Variants in PRH1 observed in about 807,000 individuals in gnomAD.
PRH1 encodes the protein salivary acidic proline-rich phosphoprotein 1/2.
In PRH1, 7 loss-of-function variants were observed where a neutral mutation model predicts 7.9. The ratio of observed to expected loss-of-function variants is 0.89; its 90% CI spans 0.50 to 1.67. The LOEUF (loss-of-function observed/expected upper bound fraction) is 1.67. Among genes scored for constraint, PRH1 ranks in the 40% most tolerant of loss-of-function variants. The pLI is 0.00. For synonymous variants in PRH1, 45 were observed against 80.8 expected (o/e 0.56, Z 2.38); for missense variants, 109 against 223.6 (o/e 0.49, Z 3.27).
chr12:11,140,944 A>G (rs1354594246), intron 1 of PRH1, among the ~76,000 whole-genome samples: 1 of 152,114 alleles, frequency 6.6e-6, no homozygotes, highest in Non-Finnish European at 1.5e-5. Context: ...AAAAGCATTC[A>G]AGGTTTTCTT....
intron 2 of PRH1, chr12:10,938,234 C>G (rs1950322057): frequency 6.8e-7 from 1 of 1,469,202 alleles, no homozygotes; most frequent in Non-Finnish European, 9.2e-7. Context: ...TTCTTAGGAG[C>G]TATTTTTTTT....
rs201006108 is a variant in PRH1 at position 10,938,942 on chromosome 12, C to T, written c.-59+34713G>A. 23 of 1,613,668 alleles carry T rather than the reference C, an allele frequency of 1.4e-5. No individual in the cohort carries two copies. The Middle Eastern group carries it at 4.9e-4, about 35-fold the overall frequency. ...GACACTAAAATGATTGATCACTGTC[C>T]AGATATTAGTAAGCATTCTGAACAT... is the stretch of plus-strand genomic sequence containing the variant. On this transcript the variant is annotated intron_variant, in intron 2 of 3. Transcript: ENST00000539853.
chr12:10,954,337 A>G (rs760671378), intron 2 of PRH1, among the ~76,000 whole-genome samples: 1 of 152,222 alleles, frequency 6.6e-6, no homozygotes, highest in African/African-American at 2.4e-5. Flanking sequence ...AAGAAGCAAG[A>G]CGCAATGGTA....
intron 1 of PRH1, chr12:11,078,956 T>A (rs1292541694): frequency 2.6e-5 from 4 of 151,746 alleles, no homozygotes; most frequent in African/African-American, 9.7e-5. Flanking sequence ...AAGGAATTAT[T>A]TTCTTATAAT....
In PRH1 at chr12:11,082,338, CTT is replaced by C. The variant is rs1413363812; in HGVS notation, n.124-35152_124-35151del. Among the ~76,000 whole-genome samples, 30 of 114,494 alleles carry C rather than the reference CTT, an allele frequency of 2.6e-4. 9 individuals carry two copies. The highest frequency in any genetic ancestry group is 4.7e-4 in the African/African-American group (16 of 34,128). The allele number at this position is 114,494 out of a possible 152,430, so 75.1% of individuals were successfully genotyped here. A position where few individuals can be genotyped will look rare whatever the true frequency, so the allele number is the denominator to read the frequency against. ...TTTTTTTTCGAGATGGAAATTCTCT[CTT>C]GTCACCCAGTCTGGAGTTCAATGGC... is the stretch of plus-strand genomic sequence containing the variant. On this transcript the variant is annotated intron_variant and non_coding_transcript_variant, in intron 1 of 4. Transcript: ENST00000541977.
intron 1 of PRH1, chr12:11,079,211 A>G (rs113075414): frequency 8.4e-6 from 1 of 118,680 alleles, no homozygotes; most frequent in Non-Finnish European, 2.0e-5. Context: ...CCCTCCCACC[A>G]CAGGCAGGGT....
chr12:11,026,031 T>C (rs116712256), intron 1 of PRH1, among the ~76,000 whole-genome samples: 2,317 of 138,250 alleles, frequency 0.017, 19 homozygotes, highest in South Asian at 0.035. Flanking sequence ...TGAGAACTTA[T>C]ACTTGTTTTT....
At chr12:11,105,577 A>G (rs1317042710) in intron 1 of PRH1, among the ~76,000 whole-genome samples, 1 of 152,216 alleles carries the variant, frequency 6.6e-6, no homozygotes, top group South Asian at 2.1e-4. Flanking sequence ...AAAATTTTCC[A>G]TATTGGTGTT....
At chr12:10,903,952 A>AAAAAC (rs1421438864) in intron 2 of PRH1, among the ~76,000 whole-genome samples, 4 of 144,896 alleles carry the variant, frequency 2.8e-5, no homozygotes, top group African/African-American at 1.0e-4. Context: ...AAAAAAAAAA[A>AAAAAC]AACAACTAGG....
At chr12:11,033,073 C>T (rs1014675803) in intron 1 of PRH1, among the ~76,000 whole-genome samples, 2 of 152,130 alleles carry the variant, frequency 1.3e-5, no homozygotes, top group Non-Finnish European at 2.9e-5. Flanking sequence ...TCTCAAATCA[C>T]CACAGCCATC....
intron 1 of PRH1, among the ~76,000 whole-genome samples, chr12:11,044,589 G>A (rs866167566): frequency 1.1e-4 from 16 of 151,750 alleles, no homozygotes; most frequent in African/African-American, 3.9e-4. Flanking sequence ...TTTAACAACT[G>A]TATAGGAAAA....
At chr12:11,168,248 GAA>G (rs1555178251) in intron 1 of PRH1, among the ~76,000 whole-genome samples, 2 of 21,408 alleles carry the variant, frequency 9.3e-5, no homozygotes, top group Non-Finnish European at 2.4e-4. Flanking sequence ...AAGAAAGAAA[GAA>G]AGAAAGAAAG....
chr12:10,898,449 G>A (rs1443352381), intron 2 of PRH1, among the ~76,000 whole-genome samples: 1 of 152,110 alleles, frequency 6.6e-6, no homozygotes, highest in Non-Finnish European at 1.5e-5. Flanking sequence ...GGGAAATTCA[G>A]GAAAATATTA....
chr12:11,010,392 A>G (rs4763606), intron 1 of PRH1, among the ~76,000 whole-genome samples: 46,169 of 151,714 alleles, frequency 0.3, 8,883 homozygotes, highest in East Asian at 0.74. Flanking sequence ...AATTCAGGGC[A>G]ATGGGAGAAC....
intron 1 of PRH1, among the ~76,000 whole-genome samples, chr12:11,060,438 T>C (rs1351994287): frequency 6.6e-6 from 1 of 152,168 alleles, no homozygotes; most frequent in Middle Eastern, 3.5e-3. Context: ...AGGAATTTTA[T>C]AAATGGAAGG....
intron 2 of PRH1, among the ~76,000 whole-genome samples, chr12:10,950,222 T>G (rs1023610802): frequency 2.0e-5 from 3 of 152,148 alleles, no homozygotes; most frequent in Non-Finnish European, 4.4e-5. Context: ...ACTTTTTTCA[T>G]ATGTATTCCA....
At chr12:11,159,244 T>C (rs1488107744) in intron 1 of PRH1, 1 of 151,740 alleles carries the variant, frequency 6.6e-6, no homozygotes, top group Admixed American at 6.6e-5. Context: ...AACTCACTAA[T>C]GGCATTGGAC....
intron 1 of PRH1, among the ~76,000 whole-genome samples, chr12:11,019,042 T>C (rs1361761123): frequency 6.6e-6 from 1 of 152,152 alleles, no homozygotes; most frequent in Non-Finnish European, 1.5e-5. Flanking sequence ...AATGGGGGTA[T>C]TGGTTAGTGT....
At chr12:11,051,467 G>C (rs1943140659), upstream of PRH1, among the ~76,000 whole-genome samples, 2 of 152,052 alleles carry the variant, frequency 1.3e-5, no homozygotes. Flanking sequence ...ACTTAGAAAT[G>C]AGCCAAAACA....
Sources: allele counts gnomAD v4.1 joint callset (sites outside exome capture counted in the v4.1 genomes callset), GRCh38; gene constraint gnomAD v4.1.1; transcripts MANE v1.5; gene names NCBI Gene and HGNC (gene_info 2026-07-23, HGNC 2026-07-21).